The following GRIP1 variants were observed in gnomAD, a reference collection of about 807,000 sequenced individuals.
GRIP1 encodes the protein glutamate receptor-interacting protein 1.
In GRIP1, 45 loss-of-function variants were observed where a neutral mutation model predicts 129.9. The ratio of observed to expected loss-of-function variants is 0.35; its 90% CI spans 0.27 to 0.44. GRIP1 has a LOEUF of 0.44. GRIP1 is among the 20% of genes least tolerant of loss of function. The probability of loss-of-function intolerance (pLI) is 1.00; values close to 1 mark genes in which losing one functional copy is unlikely to be tolerated. For missense variants in GRIP1, 1,196 were observed against 1,396.8 expected (o/e 0.86, Z 2.29); for synonymous variants, 530 against 520.8 (o/e 1.02, Z -0.24).
At chr12:66,458,604 C>A (rs1251922234) in intron 9 of GRIP1, among the ~76,000 whole-genome samples, 1 of 152,166 alleles carries the variant, frequency 6.6e-6, no homozygotes, top group Non-Finnish European at 1.5e-5. Context: ...AGGCTGGTCT[C>A]AAACTCCCGA....
intron 9 of GRIP1, among the ~76,000 whole-genome samples, chr12:66,461,148 G>T (rs1565763230): frequency 6.6e-6 from 1 of 152,184 alleles, no homozygotes; most frequent in African/African-American, 2.4e-5. Context: ...AACTCAAATT[G>T]CCTTGGCAGG....
intron 1 of GRIP1, among the ~76,000 whole-genome samples, chr12:66,647,007 G>C (rs2032425474): frequency 6.6e-6 from 1 of 152,168 alleles, no homozygotes; most frequent in Non-Finnish European, 1.5e-5. Flanking sequence ...ATGAGAAAAT[G>C]GTGGTACACA....
chr12:66,389,928 A>G (rs754012842), intron 19 of GRIP1, among the ~76,000 whole-genome samples: 24 of 152,230 alleles, frequency 1.6e-4, no homozygotes, highest in Non-Finnish European at 2.6e-4. Context: ...TTGCTTGGAG[A>G]AGGAAAGCCT....
At chr12:66,870,803 T>C (rs746078058) in intron 1 of GRIP1, among the ~76,000 whole-genome samples, 8 of 152,076 alleles carry the variant, frequency 5.3e-5, no homozygotes, top group Non-Finnish European at 1.0e-4. Context: ...CCTTCGTATG[T>C]TACTACTTCA....
At chr12:67,054,111 A>G (rs2043392857) in intron 1 of GRIP1, among the ~76,000 whole-genome samples, 1 of 152,198 alleles carries the variant, frequency 6.6e-6, no homozygotes, top group South Asian at 2.1e-4. Context: ...CAAGATATGG[A>G]ATATAAATTG....
intron 1 of GRIP1, among the ~76,000 whole-genome samples, chr12:67,018,059 T>G (rs1031248109): frequency 2.0e-5 from 3 of 152,088 alleles, no homozygotes; most frequent in Admixed American, 6.6e-5. Flanking sequence ...TTGGCCGAGG[T>G]GTGGTTGGTT....
rs542000119 is a variant in GRIP1 at position 66,668,940 on chromosome 12, C to G, written c.55+9910G>C. ...ACTCCAGCTGGGCAACAGAGAGACC[C>G]TGTCTCAAAAGAAACAAATAAGCAA... On this transcript the variant is annotated intron_variant, in intron 1 of 24. Transcript: ENST00000359742. 2.2e-4 allele frequency among the ~76,000 whole-genome samples: 34 copies of G among 152,078 alleles called. No individual in the cohort carries two copies. In the East Asian group the frequency reaches 2.7e-3, roughly 12 times the overall value.
chr12:66,355,338 C>T (rs773010427), intron 23 of GRIP1, among the ~76,000 whole-genome samples: 1 of 152,194 alleles, frequency 6.6e-6, no homozygotes, highest in Non-Finnish European at 1.5e-5. Context: ...GAGCAAAACA[C>T]AACCTTTATG....
In GRIP1 at chr12:66,394,056, C is replaced by T. The variant is rs561149732; in HGVS notation, c.2129+152G>A. ...CCCTCAGAGTCAAGTCGGAACTCTGCCTGAGAGTTCTCAGGCTCTAAGATC... is the reference window on the plus strand; with the variant it reads ...CCCTCAGAGTCAAGTCGGAACTCTGTCTGAGAGTTCTCAGGCTCTAAGATC... On this transcript the variant is annotated intron_variant, in intron 17 of 24. Coordinates refer to ENST00000359742, the MANE Select transcript of GRIP1 (RefSeq NM_001366722.1). 10 of 811,762 alleles carry T rather than the reference C, an allele frequency of 1.2e-5. No individual in the cohort carries two copies. In the South Asian group the frequency reaches 1.5e-4, roughly 12 times the overall value. The allele number at this position is 811,762 out of a possible 1,614,324, so 50.3% of individuals were successfully genotyped here. A position where few individuals can be genotyped will look rare whatever the true frequency, so the allele number is the denominator to read the frequency against.
chr12:66,690,926 C>T (rs184954178), intron 1 of GRIP1, among the ~76,000 whole-genome samples: 328 of 151,518 alleles, frequency 2.2e-3, no homozygotes, highest in African/African-American at 7.6e-3. Flanking sequence ...GAGCAAGACC[C>T]AGTGTCAAAA....
intron 14 of GRIP1, among the ~76,000 whole-genome samples, chr12:66,423,510 C>T (rs1161534418): frequency 6.6e-6 from 1 of 152,156 alleles, no homozygotes; most frequent in Non-Finnish European, 1.5e-5. Flanking sequence ...AGTTTGTGAC[C>T]CTTTGAATGA....
chr12:66,589,202 C>G lies in GRIP1; in HGVS notation c.136+7645G>C, dbSNP rs1040963043. Among the ~76,000 whole-genome samples, 349 of 140,798 alleles carry G rather than the reference C, an allele frequency of 2.5e-3. 1 individual carries two copies. Among genetic ancestry groups the G allele is most frequent in the Non-Finnish European group, 4.7e-3 (304 of 65,052 alleles). 92.4% of individuals were successfully genotyped at this position (140,798 alleles called of 152,430 possible). A position where few individuals can be genotyped will look rare whatever the true frequency, so the allele number is the denominator to read the frequency against. On this transcript the variant is annotated intron_variant, in intron 2 of 24. Coordinates refer to ENST00000359742, the MANE Select transcript of GRIP1 (RefSeq NM_001366722.1). Reference sequence around the variant, plus strand: ...TATTCCCCTCCCCCACCTTCTCTCTCTCTCTCTCTCTCTCTCTCTCTCTCT... The same window carrying G: ...TATTCCCCTCCCCCACCTTCTCTCTGTCTCTCTCTCTCTCTCTCTCTCTCT...
At chr12:66,458,783 CACTGATCTTATG>C (rs2059046887) in intron 9 of GRIP1, among the ~76,000 whole-genome samples, 1 of 152,224 alleles carries the variant, frequency 6.6e-6, no homozygotes, top group African/African-American at 2.4e-5. Flanking sequence ...ATTTTAGCCA[CACTGATCTTATG>C]TCTACTCTTA....
intron 1 of GRIP1, among the ~76,000 whole-genome samples, chr12:66,627,106 G>A (rs2030166446): frequency 6.6e-6 from 1 of 152,140 alleles, no homozygotes; most frequent in African/African-American, 2.4e-5. Flanking sequence ...AGAATACTTA[G>A]ATGTTCTTTC....
intron 1 of GRIP1, among the ~76,000 whole-genome samples, chr12:66,898,795 A>G (rs1412052903): frequency 2.0e-5 from 3 of 152,210 alleles, no homozygotes; most frequent in Non-Finnish European, 4.4e-5. Flanking sequence ...ATTAGCAACA[A>G]TTACAATAAC....
At chr12:66,349,724 G>A (rs2054135055) in intron 24 of GRIP1, among the ~76,000 whole-genome samples, 1 of 152,136 alleles carries the variant, frequency 6.6e-6, no homozygotes. Flanking sequence ...GCTCACACCT[G>A]TCATTGTGGC....
intron 1 of GRIP1, among the ~76,000 whole-genome samples, chr12:66,846,943 T>C (rs976906804): frequency 6.6e-6 from 1 of 152,106 alleles, no homozygotes; most frequent in Non-Finnish European, 1.5e-5. Context: ...CAGTGGACTC[T>C]GGAGCATAGT....
chr12:66,991,145 C>T (rs996067346), intron 1 of GRIP1, among the ~76,000 whole-genome samples: 2 of 151,752 alleles, frequency 1.3e-5, no homozygotes, highest in South Asian at 2.1e-4. Flanking sequence ...AGGTGGTGGG[C>T]GCCTGTAGTC....
At chr12:66,835,755 G>C (rs2039601762) in intron 1 of GRIP1, among the ~76,000 whole-genome samples, 1 of 152,218 alleles carries the variant, frequency 6.6e-6, no homozygotes, top group East Asian at 1.9e-4. Context: ...GGAATGGACA[G>C]GTGGAGCACA....
Sources: gnomAD v4.1 joint callset for allele counts (sites outside exome capture counted in the v4.1 genomes callset) on GRCh38, gnomAD v4.1.1 for gene constraint, MANE v1.5 for transcripts, NCBI Gene and HGNC (gene_info 2026-07-23, HGNC 2026-07-21) for gene names.